The following ZFPM1 variants were observed in gnomAD, a reference collection of about 807,000 sequenced individuals.
ZFPM1 encodes the protein zinc finger protein, FOG family member 1.
ZFPM1 carries 28 observed loss-of-function variants against 46.3 expected under a neutral mutation model. That is an observed-to-expected ratio of 0.60 (90% CI 0.45 to 0.83). The LOEUF (loss-of-function observed/expected upper bound fraction) is 0.83, where lower values mean the gene tolerates loss of function less well. ZFPM1 is among the 40% of genes least tolerant of loss of function. The pLI, the probability that ZFPM1 is intolerant of heterozygous loss-of-function variation, is 0.00. For missense variants in ZFPM1, 1,878 were observed against 1,432.4 expected (o/e 1.31, Z -5.02); for synonymous variants, 957 against 675.9 (o/e 1.42, Z -6.45).
chr16:88,524,097 T>C (rs1597279427), intron 4 of ZFPM1, among the ~76,000 whole-genome samples: 1 of 152,204 alleles, frequency 6.6e-6, no homozygotes, highest in African/African-American at 2.4e-5. Context: ...TTTAGAAATA[T>C]TGGGACGAAT....
chr16:88,456,219 C>G (rs1034816790), intron 1 of ZFPM1, among the ~76,000 whole-genome samples: 1 of 152,230 alleles, frequency 6.6e-6, no homozygotes, highest in Non-Finnish European at 1.5e-5. Flanking sequence ...GGCTTTGCCC[C>G]GGCCAGGAGG....
At chr16:88,452,056 G>A (rs1907303121), upstream of ZFPM1, among the ~76,000 whole-genome samples, 1 of 152,174 alleles carries the variant, frequency 6.6e-6, no homozygotes, top group South Asian at 2.1e-4. Context: ...CCTGCTGTGC[G>A]ATGATCTCAT....
chr16:88,461,132 G>A (rs555354661), intron 1 of ZFPM1, among the ~76,000 whole-genome samples: 15 of 103,452 alleles, frequency 1.4e-4, no homozygotes, highest in Admixed American at 5.8e-4. Context: ...GGGATGGGGC[G>A]GGAGACCTGG....
intron 3 of ZFPM1, among the ~76,000 whole-genome samples, chr16:88,500,719 G>T (rs926138698): frequency 6.6e-6 from 1 of 152,164 alleles, no homozygotes; most frequent in Admixed American, 6.5e-5. Context: ...CCTGTTCTGG[G>T]CTCAGGGTCC....
chr16:88,467,816 C>T (rs1908206893), intron 1 of ZFPM1, among the ~76,000 whole-genome samples: 1 of 152,092 alleles, frequency 6.6e-6, no homozygotes, highest in Non-Finnish European at 1.5e-5. Context: ...TACTCTACCA[C>T]CCTACAACGA....
intron 1 of ZFPM1, among the ~76,000 whole-genome samples, chr16:88,485,462 A>G (rs1909170052): frequency 1.4e-5 from 2 of 148,008 alleles, no homozygotes; most frequent in Admixed American, 1.3e-4. Context: ...TTTTTGAAAC[A>G]GAGGTCTCAC....
At position 88,503,500 on chromosome 16, in the gene ZFPM1, G is replaced by C. The variant is rs540873944; in HGVS notation, c.269-10887G>C. Among the ~76,000 whole-genome samples, 24 of 151,424 alleles carry C rather than the reference G, an allele frequency of 1.6e-4. No homozygotes were observed. In the South Asian group the frequency reaches 4.4e-3, roughly 28 times the overall value. ...AGTGGAGGGATCTGTGTCTGGGGAG[G>C]GGCCGGCCTGTTCTGCCTCCAGGGC... is the stretch of plus-strand genomic sequence containing the variant. On this transcript the variant is annotated intron_variant, in intron 3 of 9. Transcript: ENST00000319555.
intron 3 of ZFPM1, among the ~76,000 whole-genome samples, chr16:88,501,440 CCA>C: frequency 1.5e-5 from 2 of 135,184 alleles, no homozygotes; most frequent in South Asian, 2.3e-4. Flanking sequence ...GATGCGGGGG[CCA>C]TCCCGCAGGT....
rs528061255 is a variant in ZFPM1, at chr16:88,526,808, C to A, written c.403-6C>A. On this transcript the variant is annotated splice_polypyrimidine_tract_variant and splice_region_variant and intron_variant, in intron 4 of 9. Coordinates refer to ENST00000319555, the MANE Select transcript of ZFPM1 (RefSeq NM_153813.3). ...CTCCCCACGTGTTCCTACCCTCCCC[C>A]CCCAGAGCCCAGCCCTGACCCTGCT... 142 of 1,545,994 alleles carry A rather than the reference C, an allele frequency of 9.2e-5. No homozygotes were observed. The Admixed American group carries it at 1.0e-3, about 11-fold the overall frequency.
chr16:88,503,447 T>C (rs1376478019), intron 3 of ZFPM1, among the ~76,000 whole-genome samples: 2 of 124,266 alleles, frequency 1.6e-5, no homozygotes, highest in Non-Finnish European at 3.3e-5. Flanking sequence ...AGTGGAGGGA[T>C]CTGTGTCTGG....
chr16:88,537,004 C>G lies in ZFPM1; in HGVS notation c.*2025C>G, dbSNP rs1161845532. The G allele has an allele frequency of 6.6e-6, 1 of 152,130 alleles. No individual in the cohort carries two copies. Among genetic ancestry groups the G allele is most frequent in the Non-Finnish European group, 1.5e-5 (1 of 68,034 alleles). 9.4% of individuals were successfully genotyped at this position (152,130 alleles called of 1,614,324 possible). On this transcript the variant is annotated 3_prime_UTR_variant, in exon 10 of 10. Coordinates refer to ENST00000319555, the MANE Select transcript of ZFPM1 (RefSeq NM_153813.3). ...CACTGTGTGTACATTTAAAAGTAAA[C>G]TGTTTAAAGGTGTCTAGAAACTACG... is the stretch of plus-strand genomic sequence containing the variant.
chr16:88,531,927 C>A, intron 6 of ZFPM1, 75 bp from the exon 7 acceptor site: 1 of 1,437,580 alleles, frequency 7.0e-7, no homozygotes, highest in South Asian at 1.3e-5. Context: ...CGGCCAGGCC[C>A]TGCCTCCGCC....
chr16:88,480,763 A>G lies in ZFPM1; in HGVS notation c.41-5176A>G, dbSNP rs1908894478. ...CCCAGGGGCCTCAGACTCCTCATCC[A>G]CAGCCCCCATCTGCGCCCCACCTGG... On this transcript the variant is annotated intron_variant, in intron 1 of 9. Coordinates refer to ENST00000319555, the MANE Select transcript of ZFPM1 (RefSeq NM_153813.3). The surrounding 1 kb of genome is among the most constrained non-coding windows in gnomAD (Gnocchi z 4.9). 1.3e-5 allele frequency among the ~76,000 whole-genome samples: 2 copies of G among 152,100 alleles called. No homozygotes were observed. Among genetic ancestry groups the G allele is most frequent in the Admixed American group, 6.5e-5 (1 of 15,280 alleles).
At chr16:88,477,614 G>C (rs1460730192) in intron 1 of ZFPM1, among the ~76,000 whole-genome samples, 1 of 152,212 alleles carries the variant, frequency 6.6e-6, no homozygotes, top group Non-Finnish European at 1.5e-5. Context: ...AGGATCGCTT[G>C]AGTCTAGGGG....
intron 4 of ZFPM1, among the ~76,000 whole-genome samples, chr16:88,525,581 G>A (rs935009096): frequency 2.0e-5 from 3 of 152,260 alleles, no homozygotes; most frequent in Non-Finnish European, 2.9e-5. Flanking sequence ...ACACCCAGGT[G>A]GCTAAGCTTG....
intron 3 of ZFPM1, among the ~76,000 whole-genome samples, chr16:88,513,979 T>G (rs1203548115): frequency 6.6e-6 from 1 of 152,242 alleles, no homozygotes; most frequent in Non-Finnish European, 1.5e-5. Flanking sequence ...GCAAAGACCC[T>G]TTTTCCAAAT....
chr16:88,478,343 G>T (rs2142363264), intron 1 of ZFPM1, among the ~76,000 whole-genome samples: 1 of 152,368 alleles, frequency 6.6e-6, no homozygotes, highest in East Asian at 1.9e-4. Flanking sequence ...ATCCCGAACT[G>T]AGGAGCTGCG....
intron 1 of ZFPM1, among the ~76,000 whole-genome samples, chr16:88,458,658 A>C (rs1255393295): frequency 2.0e-5 from 3 of 152,146 alleles, no homozygotes; most frequent in South Asian, 2.1e-4. Context: ...CACCAACCCC[A>C]TGGACCCGGC....
At chr16:88,465,513 GC>G (rs1908094088) in intron 1 of ZFPM1, among the ~76,000 whole-genome samples, 3 of 152,254 alleles carry the variant, frequency 2.0e-5, no homozygotes, top group Non-Finnish European at 2.9e-5. Flanking sequence ...TGACAGCAAT[GC>G]AATGCCCCAG....
Sources: gnomAD v4.1 joint callset for allele counts (sites outside exome capture counted in the v4.1 genomes callset) on GRCh38, gnomAD v4.1.1 for gene constraint, Gnocchi (gnomAD v3.1) non-coding constraint, MANE v1.5 for transcripts, NCBI Gene and HGNC (gene_info 2026-07-23, HGNC 2026-07-21) for gene names.